ZNF627: variants seen among roughly 807,000 people sequenced by gnomAD.
ZNF627 encodes zinc finger protein 627.
In ZNF627, 12 loss-of-function variants were observed where a neutral mutation model predicts 10.6. The ratio of observed to expected loss-of-function variants is 1.13; its 90% CI spans 0.73 to 1.84. The LOEUF is 1.84. ZNF627 is among the 40% of genes most tolerant of loss of function. The probability of loss-of-function intolerance (pLI) is 0.00; values close to 1 mark genes in which losing one functional copy is unlikely to be tolerated. For synonymous variants in ZNF627, 176 were observed against 187.1 expected (o/e 0.94, Z 0.48); for missense variants, 504 against 568.4 (o/e 0.89, Z 1.15).
At position 11,597,503 on chromosome 19, in the gene ZNF627, C is replaced by A; in HGVS notation, c.-125C>A. The A allele has an allele frequency of 9.4e-7, 1 of 1,068,260 alleles. No individual in the cohort carries two copies. Among genetic ancestry groups the A allele is most frequent in the Non-Finnish European group, 1.2e-6 (1 of 821,344 alleles). The allele number at this position is 1,068,260 out of a possible 1,614,324, so 66.2% of individuals were successfully genotyped here. ...CCTTTGTTTCTGGCGACCGTCCCCA[C>A]CCGGGCTCGCGTCTCCGTTTCTCCG... On this transcript the variant is annotated 5_prime_UTR_variant, in exon 1 of 4. Transcript: ENST00000361113.
At chr19:11,613,818 A>G (rs1973819621) in intron 1 of ZNF627, among the ~76,000 whole-genome samples, 1 of 151,942 alleles carries the variant, frequency 6.6e-6, no homozygotes, top group African/African-American at 2.4e-5. Context: ...CAGTACCCAG[A>G]TACTGTCAAA....
At chr19:11,604,406 A>T (rs1211334245) in intron 1 of ZNF627, 10 of 152,070 alleles carry the variant, frequency 6.6e-5, no homozygotes, top group Admixed American at 5.2e-4. Flanking sequence ...TACCTCCTGG[A>T]CCTCTCTCTG....
intron 1 of ZNF627, among the ~76,000 whole-genome samples, chr19:11,599,424 T>C (rs1251289411): frequency 2.0e-5 from 3 of 152,160 alleles, no homozygotes; most frequent in African/African-American, 7.2e-5. Flanking sequence ...CTGGATTCTT[T>C]TAGACTGGTG....
intron 1 of ZNF627, among the ~76,000 whole-genome samples, chr19:11,605,272 A>G (rs933294371): frequency 6.6e-6 from 1 of 151,362 alleles, no homozygotes; most frequent in Non-Finnish European, 1.5e-5. Context: ...TTTTTAGTAG[A>G]GACAAGGTTT....
Position 11,614,855 on chromosome 19 carries a change from A to C in ZNF627, c.159A>C (p.Glu53Asp). 6.2e-7 allele frequency: 1 copy of C among 1,607,762 alleles called. No homozygotes were observed. The highest frequency in any genetic ancestry group is 2.2e-5 in the East Asian group (1 of 44,840). The part of the protein sequence containing the change: ...VGKQWEDQNI[E>D]DPFKIPRRNI... ...AACAATGGGAAGACCAGAACATTGAAGACCCATTCAAAATTCCCAGGAGAA... is the reference window on the plus strand; with the variant it reads ...AACAATGGGAAGACCAGAACATTGACGACCCATTCAAAATTCCCAGGAGAA... The change falls in exon 3 of 4, where the codon GAA becomes GAC. Residue 53 changes from glutamate to aspartate, a missense_variant. Glu to Asp is a conservative substitution (Grantham distance 45, BLOSUM62 2). Transcript: ENST00000361113.
chr19:11,607,662 G>A (rs191524148), intron 1 of ZNF627, among the ~76,000 whole-genome samples: 58 of 152,212 alleles, frequency 3.8e-4, no homozygotes, highest in African/African-American at 1.1e-3. Flanking sequence ...CAAGTTTCTC[G>A]TCTCCATCTG....
Position 11,597,500 on chromosome 19 carries a change from C to T in ZNF627, c.-128C>T, listed in dbSNP as rs1973507162. 1.9e-6 allele frequency: 2 copies of T among 1,029,030 alleles called. No individual in the cohort carries two copies. Among genetic ancestry groups the T allele is most frequent in the Non-Finnish European group, 1.3e-6 (1 of 786,316 alleles). 63.7% of individuals were successfully genotyped at this position (1,029,030 alleles called of 1,614,324 possible). A position where few individuals can be genotyped will look rare whatever the true frequency, so the allele number is the denominator to read the frequency against. The stretch of plus-strand genomic sequence containing the variant: ...GAGCCTTTGTTTCTGGCGACCGTCC[C>T]CACCCGGGCTCGCGTCTCCGTTTCT... On this transcript the variant is annotated 5_prime_UTR_variant, in exon 1 of 4. Coordinates refer to ENST00000361113, the MANE Select transcript of ZNF627 (RefSeq NM_145295.4).
At chr19:11,616,174 A>T (rs959566319) in intron 3 of ZNF627, among the ~76,000 whole-genome samples, 3 of 151,048 alleles carry the variant, frequency 2.0e-5, no homozygotes, top group African/African-American at 7.3e-5. Context: ...AGTAGCTGGG[A>T]TTACACGCGT....
At chr19:11,610,299 A>T (rs1032016664) in intron 1 of ZNF627, among the ~76,000 whole-genome samples, 10 of 151,986 alleles carry the variant, frequency 6.6e-5, no homozygotes, top group Non-Finnish European at 1.5e-4. Flanking sequence ...TTCTGAAAGA[A>T]ATTTTTCTCC....
intron 1 of ZNF627, 23 bp downstream of exon 1, chr19:11,597,653 C>A (rs1396052090): frequency 2.2e-6 from 3 of 1,336,464 alleles, no homozygotes; most frequent in East Asian, 5.5e-5. Context: ...GGTCAGGCGT[C>A]CCCAGACCTG....
At chr19:11,598,341 C>T (rs1045514210) in intron 1 of ZNF627, among the ~76,000 whole-genome samples, 8 of 152,104 alleles carry the variant, frequency 5.3e-5, no homozygotes, top group Admixed American at 6.5e-5. Context: ...GAAGATCAGC[C>T]TCGCAATATA....
chr19:11,597,546 C>T lies in ZNF627; in HGVS notation c.-82C>T, dbSNP rs11551815. The T allele has an allele frequency of 0.27, 342,473 of 1,282,810 alleles. 46,252 individuals are homozygous for T. Among genetic ancestry groups the T allele is most frequent in the Admixed American group, 0.35 (9,696 of 27,512 alleles). 79.5% of individuals were successfully genotyped at this position (1,282,810 alleles called of 1,614,324 possible). ...TTTCTCCGAGAGGCCCAAGGTGTCT[C>T]CGCCGCAGCCTCTGTCGCGCCGTGA... is the stretch of plus-strand genomic sequence containing the variant. On this transcript the variant is annotated 5_prime_UTR_variant, in exon 1 of 4. Coordinates refer to ENST00000361113, the MANE Select transcript of ZNF627 (RefSeq NM_145295.4).
intron 1 of ZNF627, among the ~76,000 whole-genome samples, chr19:11,602,975 G>A (rs961374894): frequency 2.2e-4 from 33 of 152,130 alleles, no homozygotes; most frequent in African/African-American, 7.5e-4. Context: ...TGTACCCACA[G>A]GTGACCAGGT....
At chr19:11,604,669 T>C (rs149430983) in intron 1 of ZNF627, among the ~76,000 whole-genome samples, 1 of 152,342 alleles carries the variant, frequency 6.6e-6, no homozygotes, top group Non-Finnish European at 1.5e-5. Context: ...AACCAGGGTC[T>C]CAAGTTTACA....
At chr19:11,611,136 A>G (rs563068851) in intron 1 of ZNF627, among the ~76,000 whole-genome samples, 1 of 152,204 alleles carries the variant, frequency 6.6e-6, no homozygotes, top group African/African-American at 2.4e-5. Context: ...TACAGGTGTG[A>G]GCTACTGTGC....
intron 1 of ZNF627, among the ~76,000 whole-genome samples, chr19:11,604,038 C>A (rs1372357373): frequency 6.6e-6 from 1 of 151,658 alleles, no homozygotes; most frequent in East Asian, 1.9e-4. Flanking sequence ...TAACTCCTGG[C>A]TCAAGTGATT....
chr19:11,618,543 C>G lies in ZNF627; in HGVS notation c.*654C>G, dbSNP rs1323289695. 1.3e-5 allele frequency: 2 copies of G among 152,184 alleles called. No homozygotes were observed. The highest frequency in any genetic ancestry group is 2.4e-5 in the African/African-American group (1 of 41,442). The allele number at this position is 152,184 out of a possible 1,614,324, so 9.4% of individuals were successfully genotyped here. On this transcript the variant is annotated 3_prime_UTR_variant, in exon 4 of 4. Coordinates refer to ENST00000361113, the MANE Select transcript of ZNF627 (RefSeq NM_145295.4). Reference sequence around the variant, plus strand: ...ACGGTCTAATTTGTGTAGTAAGCACCTTTGTTCATACTAGTAGTGACTGTA... The same window carrying G: ...ACGGTCTAATTTGTGTAGTAAGCACGTTTGTTCATACTAGTAGTGACTGTA...
chr19:11,603,132 T>G (rs1024347153), intron 1 of ZNF627, among the ~76,000 whole-genome samples: 7 of 152,200 alleles, frequency 4.6e-5, no homozygotes, highest in African/African-American at 1.4e-4. Flanking sequence ...TTTCTTTGCC[T>G]GTTTGTTTCA....
At chr19:11,603,259 G>A (rs1158742221) in intron 1 of ZNF627, among the ~76,000 whole-genome samples, 1 of 147,658 alleles carries the variant, frequency 6.8e-6, no homozygotes, top group Non-Finnish European at 1.5e-5. Flanking sequence ...ACTGTATTTT[G>A]TACGACATCT....
Sources: allele counts gnomAD v4.1 joint callset (sites outside exome capture counted in the v4.1 genomes callset), GRCh38; gene constraint gnomAD v4.1.1; transcripts MANE v1.5; gene names NCBI Gene and HGNC (gene_info 2026-07-23, HGNC 2026-07-21).